Variants in NTM observed in about 807,000 individuals in gnomAD.
The protein encoded by NTM is neurotrimin, also known as IgLON family member 2.
Under a neutral mutation model 42.1 loss-of-function variants are expected in NTM, and 13 were observed. The observed-to-expected ratio is 0.31, with a 90% CI of 0.20 to 0.49. NTM has a LOEUF of 0.49. Ranked by LOEUF, NTM falls within the 20% of genes least tolerant of loss-of-function variation. The pLI, the probability that NTM is intolerant of heterozygous loss-of-function variation, is 0.99. For synonymous variants in NTM, 187 were observed against 179.2 expected (o/e 1.04, Z -0.35); for missense variants, 373 against 452.8 (o/e 0.82, Z 1.60).
chr11:131,468,378 A>G (rs757304377), intron 1 of NTM, among the ~76,000 whole-genome samples: 2 of 152,250 alleles, frequency 1.3e-5, no homozygotes, highest in Admixed American at 6.5e-5. Context: ...TGAATGCAGC[A>G]TGAGCCTCAT....
Position 132,314,568 on chromosome 11 carries a change from A to C in NTM, c.799A>C (p.Lys267Gln), listed in dbSNP as rs2095373347. Residue 267 changes from lysine (K) to glutamine (Q), a missense_variant, in exon 7 of 9, where the codon AAA (lysine) becomes CAA (glutamine). Around this residue, in one of 3 missense-constraint regions of NTM, gnomAD observed 312 missense variants for 353.5 expected, o/e 0.88. Coordinates refer to ENST00000683400, the MANE Select transcript of NTM (RefSeq NM_001352005.2). ...KDDKRLIEGK[K>Q]GVKVENRPFL... ...TTCTCTCAGACTGATTGAAGGAAAG[A>C]AAGGGGTGAAAGTGGAAAACAGACC... 6.2e-7 allele frequency: 1 copy of C among 1,612,556 alleles called. No homozygotes were observed. The highest frequency in any genetic ancestry group is 8.5e-7 in the Non-Finnish European group (1 of 1,179,464).
At chr11:131,389,588 A>G (rs1943758703) in intron 1 of NTM, among the ~76,000 whole-genome samples, 1 of 152,136 alleles carries the variant, frequency 6.6e-6, no homozygotes. Flanking sequence ...CCTCCTGATC[A>G]GCTTGTGTTG....
intron 2 of NTM, among the ~76,000 whole-genome samples, chr11:132,087,509 A>T (rs1218841059): frequency 6.6e-6 from 1 of 152,078 alleles, no homozygotes; most frequent in Non-Finnish European, 1.5e-5. Context: ...GAACTGCCTC[A>T]AGGAGGTGCC....
intron 1 of NTM, among the ~76,000 whole-genome samples, chr11:131,595,644 G>C (rs1050419811): frequency 6.6e-6 from 1 of 152,202 alleles, no homozygotes; most frequent in African/African-American, 2.4e-5. Flanking sequence ...TGTATTTGCC[G>C]GAACGGACTC....
At chr11:131,511,047 T>TA (rs1279412001) in intron 1 of NTM, among the ~76,000 whole-genome samples, 2 of 148,120 alleles carry the variant, frequency 1.4e-5, no homozygotes, top group African/African-American at 4.9e-5. Flanking sequence ...TTCTTCAGGT[T>TA]AAAAAAATGG....
chr11:132,057,276 A>AT (rs11296861), intron 2 of NTM, among the ~76,000 whole-genome samples: 119 of 148,774 alleles, frequency 8.0e-4, no homozygotes, highest in African/African-American at 2.1e-3. Flanking sequence ...TGTATTTTGG[A>AT]TTTTTTTTTT....
chr11:131,841,543 A>AT (rs932281208), intron 1 of NTM, among the ~76,000 whole-genome samples: 53 of 151,682 alleles, frequency 3.5e-4, no homozygotes, highest in African/African-American at 5.3e-4. Flanking sequence ...AATAAGTCAC[A>AT]TTTTTTTTTA....
chr11:131,859,074 A>G (rs971824072), intron 1 of NTM, among the ~76,000 whole-genome samples: 1 of 152,084 alleles, frequency 6.6e-6, no homozygotes, highest in Non-Finnish European at 1.5e-5. Flanking sequence ...TTCCCCTTCA[A>G]CATCCATCCA....
intron 2 of NTM, among the ~76,000 whole-genome samples, chr11:131,991,455 T>C (rs2067008208): frequency 6.6e-6 from 1 of 152,146 alleles, no homozygotes; most frequent in East Asian, 1.9e-4. Flanking sequence ...TTAATAAACA[T>C]TATTGAGGAC....
intron 7 of NTM, among the ~76,000 whole-genome samples, chr11:132,316,072 T>C (rs1591966329): frequency 6.6e-6 from 1 of 152,028 alleles, no homozygotes; most frequent in East Asian, 1.9e-4. Flanking sequence ...CAAGTCCTGC[T>C]CTCCACCCAC....
At chr11:131,417,405 A>C (rs1208968559) in intron 1 of NTM, among the ~76,000 whole-genome samples, 1 of 152,184 alleles carries the variant, frequency 6.6e-6, no homozygotes, top group East Asian at 1.9e-4. Flanking sequence ...TTAGATATTA[A>C]GAGACTTGTT....
chr11:131,686,257 C>T (rs568157522), intron 1 of NTM, among the ~76,000 whole-genome samples: 1 of 152,340 alleles, frequency 6.6e-6, no homozygotes, highest in South Asian at 2.1e-4. Flanking sequence ...TCATGTATAA[C>T]TTTTGACTTC....
intron 1 of NTM, among the ~76,000 whole-genome samples, chr11:131,691,726 C>CCGCGG (rs1204170004): frequency 6.6e-6 from 1 of 152,192 alleles, no homozygotes; most frequent in Non-Finnish European, 1.5e-5. Context: ...CGCGTTCTTT[C>CCGCGG]CGCGGCGCGG....
chr11:131,628,483 A>T (rs893509721), intron 1 of NTM, among the ~76,000 whole-genome samples: 1 of 152,220 alleles, frequency 6.6e-6, no homozygotes, highest in Non-Finnish European at 1.5e-5. Context: ...GATTTTAGGT[A>T]GAATCACGAG....
chr11:132,332,106 G>T lies in NTM; in HGVS notation c.967+1921G>T, dbSNP rs189180805. On this transcript the variant is annotated intron_variant, in intron 8 of 8. Transcript: ENST00000683400. ...TTCGCATAAAGAATAAATTCCAGGG[G>T]TCAAGGCCACAGGTGGCAAGGTCCA... is the stretch of plus-strand genomic sequence containing the variant. 3.9e-5 allele frequency: 6 copies of T among 152,372 alleles called. No homozygotes were observed. The East Asian group carries it at 1.2e-3, about 29-fold the overall frequency. The allele number at this position is 152,372 out of a possible 1,614,324, so 9.4% of individuals were successfully genotyped here.
At chr11:131,488,614 G>C (rs1479730099) in intron 1 of NTM, among the ~76,000 whole-genome samples, 3 of 152,172 alleles carry the variant, frequency 2.0e-5, no homozygotes, top group African/African-American at 7.2e-5. Flanking sequence ...CATACAGGGT[G>C]GGAGGAATTC....
chr11:132,067,046 C>G (rs1281838465), intron 2 of NTM, among the ~76,000 whole-genome samples: 1 of 152,126 alleles, frequency 6.6e-6, no homozygotes, highest in African/African-American at 2.4e-5. Flanking sequence ...CCTTGACCTC[C>G]TAGGCTCAAG....
chr11:132,204,573 T>C (rs891727315), intron 3 of NTM, among the ~76,000 whole-genome samples: 2 of 151,876 alleles, frequency 1.3e-5, no homozygotes, highest in South Asian at 4.2e-4. Flanking sequence ...CCAATGTGAG[T>C]AGCAGGAGAA....
chr11:131,954,957 A>G (rs1358775871), intron 2 of NTM, among the ~76,000 whole-genome samples: 1 of 152,214 alleles, frequency 6.6e-6, no homozygotes, highest in African/African-American at 2.4e-5. Flanking sequence ...AGTAATGCTC[A>G]GTGGTGAGAG....
Sources: gnomAD v4.1 joint callset for allele counts (sites outside exome capture counted in the v4.1 genomes callset) on GRCh38, gnomAD v4.1.1 for gene constraint, gnomAD v4.1.1 regional missense constraint, MANE v1.5 for transcripts, NCBI Gene and HGNC (gene_info 2026-07-23, HGNC 2026-07-21) for gene names.